The following NAV2 variants were observed in gnomAD, a reference collection of about 807,000 sequenced individuals.
The protein encoded by NAV2 is neuron navigator 2.
Under a neutral mutation model 223.2 loss-of-function variants are expected in NAV2, and 54 were observed. That is an observed-to-expected ratio of 0.24 (90% CI 0.19 to 0.30). The LOEUF (loss-of-function observed/expected upper bound fraction) is 0.30, where lower values mean the gene tolerates loss of function less well. Ranked by LOEUF, NAV2 falls within the 10% of genes least tolerant of loss-of-function variation. The pLI, the probability that NAV2 is intolerant of heterozygous loss-of-function variation, is 1.00. For synonymous variants in NAV2, 1,279 were observed against 1,239.3 expected (o/e 1.03, Z -0.67); for missense variants, 2,806 against 3,147.5 (o/e 0.89, Z 2.60).
chr11:20,039,980 G>A (rs976605114), intron 12 of NAV2, among the ~76,000 whole-genome samples: 1 of 152,218 alleles, frequency 6.6e-6, no homozygotes, highest in Non-Finnish European at 1.5e-5. Context: ...CACCCGCTGG[G>A]TAAGTTACTT....
At chr11:19,420,368 G>A (rs1368775445) in intron 1 of NAV2, among the ~76,000 whole-genome samples, 1 of 152,174 alleles carries the variant, frequency 6.6e-6, no homozygotes, top group Non-Finnish European at 1.5e-5. Flanking sequence ...ATGAAAAACT[G>A]TCAGTATCCA....
intron 1 of NAV2, among the ~76,000 whole-genome samples, chr11:19,393,906 C>CTTTCTT (rs1554918416): frequency 6.6e-5 from 9 of 135,708 alleles, no homozygotes; most frequent in African/African-American, 2.2e-4. Flanking sequence ...TTTTTTTTTT[C>CTTTCTT]TTTTTTTTTT....
At chr11:19,642,538 C>T (rs1315277415) in intron 1 of NAV2, among the ~76,000 whole-genome samples, 1 of 152,152 alleles carries the variant, frequency 6.6e-6, no homozygotes, top group South Asian at 2.1e-4. Flanking sequence ...TCTCTGTCTC[C>T]TAAATCATCC....
At chr11:19,876,764 G>T (rs2062855739) in intron 4 of NAV2, among the ~76,000 whole-genome samples, 1 of 151,662 alleles carries the variant, frequency 6.6e-6, no homozygotes, top group Non-Finnish European at 1.5e-5. Flanking sequence ...GATCCTCCAG[G>T]TATGCTGAAT....
exon 1 of NAV2, chr11:19,350,894 T>C (rs985065961): frequency 1.3e-6 from 2 of 1,520,168 alleles, no homozygotes; most frequent in East Asian, 2.5e-5. Flanking sequence ...TGGGTTATTT[T>C]GTTCCTCTGT....
At chr11:19,407,963 A>G (rs1169685191) in intron 1 of NAV2, among the ~76,000 whole-genome samples, 1 of 152,150 alleles carries the variant, frequency 6.6e-6, no homozygotes, top group African/African-American at 2.4e-5. Flanking sequence ...GAGCCCCCCA[A>G]GATGCGTACT....
intron 1 of NAV2, among the ~76,000 whole-genome samples, chr11:19,533,100 C>T (rs867843892): frequency 6.6e-6 from 1 of 152,108 alleles, no homozygotes; most frequent in Non-Finnish European, 1.5e-5. Context: ...GAGTGAGTTT[C>T]AGTGATGGGA....
chr11:19,653,392 A>C (rs1281833255), intron 1 of NAV2, among the ~76,000 whole-genome samples: 1 of 152,244 alleles, frequency 6.6e-6, no homozygotes, highest in East Asian at 1.9e-4. Context: ...CAAGAGGAAG[A>C]GAACTAACAT....
chr11:19,602,996 G>A (rs984108431), intron 1 of NAV2, among the ~76,000 whole-genome samples: 4 of 152,130 alleles, frequency 2.6e-5, no homozygotes, highest in South Asian at 2.1e-4. Context: ...TGAGGGAACA[G>A]CATGAGCAAA....
rs77404202 is a variant in NAV2, at chr11:20,117,743, C to T, written c.7165-390C>T. ...TGCTCAGCCACACCTTCATCCAGGC[C>T]GAGGGCTAGGCCTGAAAGGTGTGCC... On this transcript the variant is annotated intron_variant, in intron 37 of 37. Coordinates refer to ENST00000349880, the MANE Select transcript of NAV2 (RefSeq NM_145117.5). Among the ~76,000 whole-genome samples, 209 of 152,146 alleles carry T rather than the reference C, an allele frequency of 1.4e-3. 8 individuals carry two copies. In the East Asian group the frequency reaches 0.039, roughly 28 times the overall value.
At chr11:19,799,341 A>G (rs2058095864) in intron 1 of NAV2, among the ~76,000 whole-genome samples, 1 of 152,098 alleles carries the variant, frequency 6.6e-6, no homozygotes, top group Non-Finnish European at 1.5e-5. Context: ...CAGATTACAG[A>G]TCTTCACTGA....
At chr11:19,875,281 C>T (rs1476969238) in intron 4 of NAV2, among the ~76,000 whole-genome samples, 9 of 152,218 alleles carry the variant, frequency 5.9e-5, no homozygotes, top group Admixed American at 5.9e-4. Flanking sequence ...ACCTACTGAA[C>T]ATCATAGCTC....
intron 1 of NAV2, among the ~76,000 whole-genome samples, chr11:19,609,646 A>G (rs1208665722): frequency 6.6e-6 from 1 of 152,184 alleles, no homozygotes. Flanking sequence ...GTGTACCCCA[A>G]GGGCTAAGCA....
intron 1 of NAV2, among the ~76,000 whole-genome samples, chr11:19,821,748 T>C (rs73435647): frequency 0.015 from 2,263 of 152,322 alleles, 46 homozygotes; most frequent in African/African-American, 0.051. Context: ...TTGGGTCTGT[T>C]AGTCCTGAGT....
intron 4 of NAV2, among the ~76,000 whole-genome samples, chr11:19,873,401 A>G (rs575009182): frequency 6.6e-6 from 1 of 152,176 alleles, no homozygotes; most frequent in African/African-American, 2.4e-5. Context: ...CATTTGCCAG[A>G]CAGAAAAGGA....
At chr11:20,065,105 G>A (rs139119618) in intron 20 of NAV2, among the ~76,000 whole-genome samples, 342 of 152,296 alleles carry the variant, frequency 2.2e-3, no homozygotes, top group African/African-American at 8.0e-3. Flanking sequence ...AAAACTACAA[G>A]TCTGGCTAGA....
chr11:19,988,266 C>G (rs2050980024), intron 11 of NAV2, among the ~76,000 whole-genome samples: 1 of 152,198 alleles, frequency 6.6e-6, no homozygotes, highest in Non-Finnish European at 1.5e-5. Context: ...CACATAAACG[C>G]CATTGAGAGC....
chr11:19,764,080 T>G (rs987688712), intron 1 of NAV2, among the ~76,000 whole-genome samples: 5 of 152,198 alleles, frequency 3.3e-5, no homozygotes, highest in Admixed American at 3.3e-4. Context: ...AAGTTCTTCG[T>G]TTTTTAGAAC....
At chr11:19,537,014 TAG>T (rs1358256477) in intron 1 of NAV2, among the ~76,000 whole-genome samples, 5 of 152,200 alleles carry the variant, frequency 3.3e-5, no homozygotes, top group Non-Finnish European at 7.3e-5. Flanking sequence ...TAATAAAAAA[TAG>T]AGACATTAAT....
Sources: gnomAD v4.1 joint callset for allele counts (sites outside exome capture counted in the v4.1 genomes callset) on GRCh38, gnomAD v4.1.1 for gene constraint, MANE v1.5 for transcripts, NCBI Gene and HGNC (gene_info 2026-07-23, HGNC 2026-07-21) for gene names.